Variants in FMN2 observed in about 807,000 individuals in gnomAD.
FMN2 encodes the protein formin-2.
Under a neutral mutation model 142.3 loss-of-function variants are expected in FMN2, and 51 were observed. The ratio of observed to expected loss-of-function variants is 0.36; its 90% CI spans 0.29 to 0.45. FMN2 has a LOEUF of 0.45. Ranked by LOEUF, FMN2 falls within the 20% of genes least tolerant of loss-of-function variation. The pLI, the probability that FMN2 is intolerant of heterozygous loss-of-function variation, is 1.00. For missense variants in FMN2, 1,936 were observed against 2,122.8 expected, an observed-to-expected ratio of 0.91 and a Z score of 1.73; for synonymous variants, 882 against 869.8, an observed-to-expected ratio of 1.01 and a Z score of -0.25.
At chr1:240,170,311 A>C in intron 2 of FMN2, 1 of 1,082,484 alleles carries the variant, frequency 9.2e-7, no homozygotes, top group Admixed American at 1.7e-5. Context: ...TTGCCATACC[A>C]ATGCCTATAC....
Position 240,228,328 on chromosome 1 carries a change from AAAAAGAAAAAGAAAAAGAAAAAGAAAG to A in FMN2, c.4065+17098_4065+17124del, listed in dbSNP as rs1275705710. 9.0e-4 allele frequency among the ~76,000 whole-genome samples: 60 copies of A among 66,336 alleles called. 5 individuals are homozygous for A. Among genetic ancestry groups the A allele is most frequent in the Middle Eastern group, 0.021 (2 of 96 alleles). 43.5% of individuals were successfully genotyped at this position (66,336 alleles called of 152,430 possible). A position where few individuals can be genotyped will look rare whatever the true frequency, so the allele number is the denominator to read the frequency against. On this transcript the variant is annotated intron_variant, in intron 6 of 17. Transcript: ENST00000319653. The stretch of plus-strand genomic sequence containing the variant: ...CAAAAAAAAAAAAAAAAAAAAAAAA[AAAAAGAAAAAGAAAAAGAAAAAGAAAG>A]AAAAAAAATGGGCAAAAGGTTTCAG...
At chr1:240,361,141 G>GTATATA (rs202070560) in intron 14 of FMN2, among the ~76,000 whole-genome samples, 1,240 of 41,880 alleles carry the variant, frequency 0.03, 22 homozygotes, top group South Asian at 0.042. Context: ...AAATATATGT[G>GTATATA]TATATATATA....
chr1:240,126,554 T>C (rs895755190), intron 2 of FMN2, among the ~76,000 whole-genome samples: 9 of 152,336 alleles, frequency 5.9e-5, no homozygotes, highest in African/African-American at 2.2e-4. Context: ...TGTTATTTTA[T>C]ACAATTTTAG....
intron 15 of FMN2, among the ~76,000 whole-genome samples, chr1:240,418,758 T>A (rs1156272306): frequency 6.6e-6 from 1 of 152,204 alleles, no homozygotes; most frequent in Non-Finnish European, 1.5e-5. Context: ...TCTTAAATAT[T>A]CAGTATCTTT....
intron 2 of FMN2, among the ~76,000 whole-genome samples, chr1:240,134,640 A>G (rs897339296): frequency 1.2e-4 from 18 of 152,024 alleles, no homozygotes; most frequent in African/African-American, 4.3e-4. Context: ...AACAAAAACA[A>G]CAAATAAAGA....
At chr1:240,237,426 C>T (rs893780009) in intron 6 of FMN2, among the ~76,000 whole-genome samples, 2 of 152,256 alleles carry the variant, frequency 1.3e-5, no homozygotes, top group East Asian at 1.9e-4. Context: ...AGGTCTTGTC[C>T]GTTATCAGTT....
At chr1:240,234,820 T>C (rs1034722687) in intron 6 of FMN2, among the ~76,000 whole-genome samples, 15 of 152,338 alleles carry the variant, frequency 9.8e-5, no homozygotes, top group African/African-American at 3.4e-4. Context: ...TTTCTCCAGT[T>C]ATGTTTTAGC....
At position 240,272,021 on chromosome 1, in the gene FMN2, G is replaced by A. The variant is rs79253760; in HGVS notation, c.4153+13989G>A. Among the ~76,000 whole-genome samples the A allele has an allele frequency of 9.9e-5, 15 of 152,258 alleles. No homozygotes were observed. In the East Asian group the frequency reaches 2.9e-3, roughly 29 times the overall value. On this transcript the variant is annotated intron_variant, in intron 7 of 17. Coordinates refer to ENST00000319653, the MANE Select transcript of FMN2 (RefSeq NM_020066.5). ...ATGCAATACTTGGGGTTGTACCAAA[G>A]CCATGAGCTTTGCATATGGTTATTC...
intron 3 of FMN2, among the ~76,000 whole-genome samples, chr1:240,184,083 C>G (rs1665270263): frequency 6.6e-6 from 1 of 152,024 alleles, no homozygotes; most frequent in African/African-American, 2.4e-5. Flanking sequence ...TGTAAATACA[C>G]AGCTCATCCA....
intron 15 of FMN2, among the ~76,000 whole-genome samples, chr1:240,425,229 G>C (rs1377019003): frequency 2.0e-5 from 3 of 151,876 alleles, no homozygotes; most frequent in Non-Finnish European, 4.4e-5. Context: ...GAGAGAGAGA[G>C]AGAGAGCCGT....
Position 240,093,554 on chromosome 1 carries a change from C to T in FMN2, c.1445C>T (p.Ser482Leu), listed in dbSNP as rs377670694. ...DGGLAAGLSRSADWTEELGAR... is the reference protein window; with the variant it reads ...DGGLAAGLSRLADWTEELGAR... ...GGCCTTGCGGCCGGCCTGAGCCGCT[C>T]GGCTGACTGGACGGAGGAGCTAGGC... Residue 482 changes from serine to leucine, a missense_variant, in exon 1 of 18, where the codon TCG becomes TTG. Around this residue, in one of 8 missense-constraint regions of FMN2, gnomAD observed 751 missense variants for 791.8 expected, o/e 0.95. Coordinates refer to ENST00000319653, the MANE Select transcript of FMN2 (RefSeq NM_020066.5). The T allele has an allele frequency of 2.6e-6, 4 of 1,517,170 alleles. No individual in the cohort carries two copies. Among genetic ancestry groups the T allele is most frequent in the Non-Finnish European group, 3.5e-6 (4 of 1,140,388 alleles). 94.0% of individuals were successfully genotyped at this position (1,517,170 alleles called of 1,614,324 possible).
At chr1:240,390,801 T>C (rs1196146921) in intron 14 of FMN2, among the ~76,000 whole-genome samples, 1 of 152,224 alleles carries the variant, frequency 6.6e-6, no homozygotes, top group Non-Finnish European at 1.5e-5. Flanking sequence ...CTTGTTCTAC[T>C]GTGGTGTGTT....
chr1:240,280,713 T>G (rs1020027920), intron 7 of FMN2, among the ~76,000 whole-genome samples: 2 of 152,170 alleles, frequency 1.3e-5, no homozygotes, highest in Admixed American at 6.6e-5. Context: ...TTTGAAACTC[T>G]TTGCTCATCT....
At chr1:240,209,368 A>G (rs1196016810) in intron 5 of FMN2, among the ~76,000 whole-genome samples, 1 of 150,782 alleles carries the variant, frequency 6.6e-6, no homozygotes, top group Non-Finnish European at 1.5e-5. Context: ...CTCCTGCCTC[A>G]GCCTCCCGAG....
At chr1:240,128,376 A>G (rs1211351789) in intron 2 of FMN2, among the ~76,000 whole-genome samples, 1 of 152,188 alleles carries the variant, frequency 6.6e-6, no homozygotes, top group African/African-American at 2.4e-5. Context: ...TAACTGTGGC[A>G]TATATTATAT....
chr1:240,387,902 G>C (rs1673456468), intron 14 of FMN2, among the ~76,000 whole-genome samples: 1 of 152,116 alleles, frequency 6.6e-6, no homozygotes, highest in Non-Finnish European at 1.5e-5. Context: ...GCTCGGCCAG[G>C]CACGGTGGCT....
At chr1:240,159,909 A>ATATATATATATATATATATATCTGTG (rs1558328454) in intron 2 of FMN2, among the ~76,000 whole-genome samples, 130 of 78,220 alleles carry the variant, frequency 1.7e-3, no homozygotes, top group African/African-American at 9.8e-3. Flanking sequence ...ATCTGTGTAT[A>ATATATATATATATATATATATCTGTG]TATATATATA....
intron 8 of FMN2, among the ~76,000 whole-genome samples, chr1:240,297,594 CA>C (rs57504077): frequency 0.14 from 12,306 of 88,174 alleles, 276 homozygotes; most frequent in African/African-American, 0.2. Flanking sequence ...GACTCCATCT[CA>C]AAAAAAAAAA....
chr1:240,177,785 A>G (rs1664980362), intron 2 of FMN2, 136 bp from the exon 3 acceptor site: 1 of 672,926 alleles, frequency 1.5e-6, no homozygotes, highest in Non-Finnish European at 2.2e-6. Context: ...TAGTATAAAA[A>G]TGCTGTTTTA....
Sources: gnomAD v4.1 joint callset for allele counts (sites outside exome capture counted in the v4.1 genomes callset) on GRCh38, gnomAD v4.1.1 for gene constraint, gnomAD v4.1.1 regional missense constraint, MANE v1.5 for transcripts, NCBI Gene and HGNC (gene_info 2026-07-23, HGNC 2026-07-21) for gene names.